DGCR8: variants seen among roughly 807,000 people sequenced by gnomAD.
DGCR8 encodes the protein DGCR8 microprocessor complex subunit, also known as microprocessor complex subunit DGCR8.
Under a neutral mutation model 78.5 loss-of-function variants are expected in DGCR8, and 14 were observed. The observed-to-expected ratio is 0.18, with a 90% CI of 0.12 to 0.28. The LOEUF (loss-of-function observed/expected upper bound fraction) is 0.28, where lower values mean the gene tolerates loss of function less well. Ranked by LOEUF, DGCR8 falls within the 10% of genes least tolerant of loss-of-function variation. DGCR8 has a pLI of 1.00. For synonymous variants in DGCR8, 399 were observed against 402.4 expected (o/e 0.99, Z 0.10); for missense variants, 702 against 1,022.5 (o/e 0.69, Z 4.28).
Position 20,087,103 on chromosome 22 carries a change from C to G in DGCR8, c.721-59C>G. The G allele has an allele frequency of 6.4e-7, 1 of 1,554,322 alleles. No individual in the cohort carries two copies. The highest frequency in any genetic ancestry group is 1.7e-4 in the Middle Eastern group (1 of 5,754). Reference sequence around the variant, plus strand: ...CTGTTCTCAGGAATGCTGTTGAGCTCTCCTGTTGCAGGAGCATGAGCGCCA... The same window carrying G: ...CTGTTCTCAGGAATGCTGTTGAGCTGTCCTGTTGCAGGAGCATGAGCGCCA... On this transcript the variant is annotated intron_variant, in intron 2 of 13. Coordinates refer to ENST00000351989, the MANE Select transcript of DGCR8 (RefSeq NM_022720.7). The surrounding 1 kb of genome is among the most constrained non-coding windows in gnomAD (Gnocchi z 4.1).
chr22:20,091,738 T>A, intron 6 of DGCR8, 106 bp downstream of exon 6: 1 of 1,520,290 alleles, frequency 6.6e-7, no homozygotes, highest in Non-Finnish European at 9.1e-7. Flanking sequence ...AAAGTTTATG[T>A]TTATCCCATG....
Position 20,087,944 on chromosome 22 carries a change from G to A in DGCR8, c.880+623G>A, listed in dbSNP as rs892216466. On this transcript the variant is annotated intron_variant, in intron 3 of 13. Coordinates refer to ENST00000351989, the MANE Select transcript of DGCR8 (RefSeq NM_022720.7). This position sits in a 1 kb window ranked among gnomAD's most constrained non-coding sequence, Gnocchi z 4.1. ...TGTCATCGATGTGGTGCAGGTGTTG[G>A]GGGAGTCGGAGTTGGTGGCTTGGAG... Among the ~76,000 whole-genome samples, 1 of 152,110 alleles carries A rather than the reference G, an allele frequency of 6.6e-6. No individual in the cohort carries two copies. The highest frequency in any genetic ancestry group is 2.4e-5 in the African/African-American group (1 of 41,406).
At position 20,110,280 on chromosome 22, in the gene DGCR8, C is replaced by T; in HGVS notation, c.*172C>T. On this transcript the variant is annotated 3_prime_UTR_variant, in exon 14 of 14. Coordinates refer to ENST00000351989, the MANE Select transcript of DGCR8 (RefSeq NM_022720.7). ...TTTAGTGTACAGGGACAGCCATGGC[C>T]ACACAGCACACATGTGGAGCAGCGG... The T allele has an allele frequency of 1.6e-6, 1 of 615,938 alleles. No individual in the cohort carries two copies. Among genetic ancestry groups the T allele is most frequent in the Non-Finnish European group, 2.8e-6 (1 of 353,778 alleles). The allele number at this position is 615,938 out of a possible 1,614,324, so 38.2% of individuals were successfully genotyped here.
At chr22:20,090,302 A>ATGAGCTT in intron 5 of DGCR8, 44 bp downstream of exon 5, 2 of 1,540,478 alleles carry the variant, frequency 1.3e-6, no homozygotes. Context: ...CCTGGGACCC[A>ATGAGCTT]TGAGCTTTGT....
chr22:20,090,325 G>A, intron 5 of DGCR8, 67 bp downstream of exon 5: 1 of 1,503,824 alleles, frequency 6.6e-7, no homozygotes. Flanking sequence ...TTCTAATGAA[G>A]GCCATAATTG....
chr22:20,080,270 C>T lies in DGCR8; in HGVS notation c.-391C>T. ...GCTCGCCCGGCGCGGCAGGCGGGTGCCGGCGACCGGAGAGCCTGGACAGGC... is the reference window on the plus strand; with the variant it reads ...GCTCGCCCGGCGCGGCAGGCGGGTGTCGGCGACCGGAGAGCCTGGACAGGC... On this transcript the variant is annotated 5_prime_UTR_variant, in exon 1 of 14. Coordinates refer to ENST00000351989, the MANE Select transcript of DGCR8 (RefSeq NM_022720.7). 5 of 980,312 alleles carry T rather than the reference C, an allele frequency of 5.1e-6. No homozygotes were observed. In the South Asian group the frequency reaches 2.4e-4, roughly 46 times the overall value. The allele number at this position is 980,312 out of a possible 1,614,324, so 60.7% of individuals were successfully genotyped here. A position where few individuals can be genotyped will look rare whatever the true frequency, so the allele number is the denominator to read the frequency against.
chr22:20,107,068 C>G, intron 11 of DGCR8: 1 of 616,282 alleles, frequency 1.6e-6, no homozygotes, highest in Non-Finnish European at 2.9e-6. Context: ...AGCTCCTAGA[C>G]TCTGAGGGCC....
intron 9 of DGCR8, among the ~76,000 whole-genome samples, chr22:20,095,851 T>C (rs1041559787): frequency 1.3e-5 from 2 of 152,034 alleles, no homozygotes; most frequent in Non-Finnish European, 2.9e-5. Flanking sequence ...CTGATGACGA[T>C]GGGAGACAGT....
intron 9 of DGCR8, among the ~76,000 whole-genome samples, chr22:20,102,950 T>C (rs1042191163): frequency 1.6e-4 from 24 of 152,210 alleles, no homozygotes; most frequent in African/African-American, 5.1e-4. Flanking sequence ...CTGGCCAACA[T>C]GGTGAAACCC....
rs191165340 is a variant in DGCR8 at position 20,085,314 on chromosome 22, G to A, written c.-277-373G>A. Among the ~76,000 whole-genome samples, 136 of 152,292 alleles carry A rather than the reference G, an allele frequency of 8.9e-4. No individual in the cohort carries two copies. The highest frequency in any genetic ancestry group is 3.1e-3 in the African/African-American group (130 of 41,564). On this transcript the variant is annotated intron_variant, in intron 1 of 13. Coordinates refer to ENST00000351989, the MANE Select transcript of DGCR8 (RefSeq NM_022720.7). The surrounding 1 kb of genome is among the most constrained non-coding windows in gnomAD (Gnocchi z 6.2). ...GCTCTGGTGGCCTGAGGGAGGCCAC[G>A]CGCCTTCTGTGTGTTCCAGAAAGGG...
chr22:20,084,853 C>T (rs1475798848), intron 1 of DGCR8: 1 of 396,092 alleles, frequency 2.5e-6, no homozygotes, highest in Non-Finnish European at 3.4e-6. Context: ...GATGCAGTTG[C>T]TTCTGCCTGG....
At chr22:20,092,979 G>GTC (rs1345435858) in intron 8 of DGCR8, 72 bp downstream of exon 8, 11 of 1,242,634 alleles carry the variant, frequency 8.9e-6, no homozygotes, top group Non-Finnish European at 4.7e-6. Flanking sequence ...GTTAGGGAGG[G>GTC]GCTGAGCAGT....
chr22:20,092,237 G>C (rs1252523980), intron 7 of DGCR8, among the ~76,000 whole-genome samples: 1 of 152,158 alleles, frequency 6.6e-6, no homozygotes, highest in Non-Finnish European at 1.5e-5. Context: ...TTCTGATCCT[G>C]CGTTGTCATG....
chr22:20,106,507 T>G, intron 10 of DGCR8, 85 bp from the exon 11 acceptor site: 1 of 1,051,282 alleles, frequency 9.5e-7, no homozygotes, highest in Non-Finnish European at 1.5e-6. Flanking sequence ...GGTCATTTCC[T>G]AAGGGCTTCC....
chr22:20,107,268 T>A lies in DGCR8; in HGVS notation c.1997-3T>A, dbSNP rs755152784. Reference sequence around the variant, plus strand: ...TCTCCATGCTTGCTCTTTCTCTGTGTAGGTAAGAACAAGAGAGTTGGAAAG... The same window carrying A: ...TCTCCATGCTTGCTCTTTCTCTGTGAAGGTAAGAACAAGAGAGTTGGAAAG... On this transcript the variant is annotated splice_polypyrimidine_tract_variant and splice_region_variant and intron_variant, in intron 11 of 13. Transcript: ENST00000351989. 7 of 1,613,960 alleles carry A rather than the reference T, an allele frequency of 4.3e-6. No individual in the cohort carries two copies. The highest frequency in any genetic ancestry group is 5.9e-6 in the Non-Finnish European group (7 of 1,179,990).
At chr22:20,094,610 T>A in intron 8 of DGCR8, 103 bp from the exon 9 acceptor site, 1 of 1,056,534 alleles carries the variant, frequency 9.5e-7, no homozygotes, top group Non-Finnish European at 1.5e-6. Flanking sequence ...TCGCTCAGCC[T>A]CTGAGCTGTG....
Position 20,110,816 on chromosome 22 carries a change from T to G in DGCR8, c.*708T>G. 5.5e-6 allele frequency: 1 copy of G among 181,918 alleles called. No homozygotes were observed. The highest frequency in any genetic ancestry group is 1.4e-4 in the East Asian group (1 of 7,336). 11.3% of individuals were successfully genotyped at this position (181,918 alleles called of 1,614,324 possible). A position where few individuals can be genotyped will look rare whatever the true frequency, so the allele number is the denominator to read the frequency against. The stretch of plus-strand genomic sequence containing the variant: ...GTTACCCTGGCCTCCTAGGGTCCCT[T>G]TTTCTGATGAAGTCTTAATTCCCTA... On this transcript the variant is annotated 3_prime_UTR_variant, in exon 14 of 14. Transcript: ENST00000351989.
At chr22:20,103,056 C>T (rs1340076473) in intron 9 of DGCR8, among the ~76,000 whole-genome samples, 1 of 151,860 alleles carries the variant, frequency 6.6e-6, no homozygotes, top group Non-Finnish European at 1.5e-5. Context: ...CGCTTGAACC[C>T]AGGAGGCGGA....
chr22:20,096,796 A>C (rs1261119113), intron 9 of DGCR8, among the ~76,000 whole-genome samples: 1 of 152,110 alleles, frequency 6.6e-6, no homozygotes, highest in African/African-American at 2.4e-5. Context: ...GGCTTCCTTC[A>C]CTTAGTGTGC....
Sources: gnomAD v4.1 joint callset for allele counts (sites outside exome capture counted in the v4.1 genomes callset) on GRCh38, gnomAD v4.1.1 for gene constraint, Gnocchi (gnomAD v3.1) non-coding constraint, MANE v1.5 for transcripts, NCBI Gene and HGNC (gene_info 2026-07-23, HGNC 2026-07-21) for gene names.